SLC5A10: variants seen among roughly 807,000 people sequenced by gnomAD.
SLC5A10 encodes sodium/mannose cotransporter SLC5A10.
Under a neutral mutation model 68.9 loss-of-function variants are expected in SLC5A10, and 55 were observed. That is an observed-to-expected ratio of 0.80 (90% CI 0.64 to 1.00). The LOEUF is 1.00. SLC5A10 is among the 50% of genes least tolerant of loss of function. The pLI is 0.00. For synonymous variants in SLC5A10, 344 were observed against 344.8 expected, an observed-to-expected ratio of 1.00 and a Z score of 0.02; for missense variants, 732 against 819.3, an observed-to-expected ratio of 0.89 and a Z score of 1.30.
At chr17:18,978,427 C>G (rs373890767) in intron 9 of SLC5A10, 28 of 1,596,174 alleles carry the variant, frequency 1.8e-5, no homozygotes, top group Non-Finnish European at 2.2e-5. Context: ...GCTCCACCCA[C>G]GTGGGCAGGT....
At chr17:18,993,548 C>G (rs2043485478) in intron 9 of SLC5A10, among the ~76,000 whole-genome samples, 1 of 152,212 alleles carries the variant, frequency 6.6e-6, no homozygotes, top group African/African-American at 2.4e-5. Flanking sequence ...CATATTCTCT[C>G]TCCTCACTAT....
rs76413413 is a variant in SLC5A10, at chr17:18,978,370, G to A, written c.982+1381G>A. On this transcript the variant is annotated intron_variant, in intron 9 of 14. Transcript: ENST00000395645. The stretch of plus-strand genomic sequence containing the variant: ...GCTGGGGGTTCCAGATGTTGGGGTC[G>A]ATGATATTGATGTAGCCCAGGATGT... The A allele has an allele frequency of 2.0e-3, 3,196 of 1,593,464 alleles. 42 individuals are homozygous for A. The African/African-American group carries it at 0.034, about 17-fold the overall frequency.
chr17:18,990,348 G>A (rs1181922817), intron 9 of SLC5A10, among the ~76,000 whole-genome samples: 1 of 152,078 alleles, frequency 6.6e-6, no homozygotes, highest in Non-Finnish European at 1.5e-5. Context: ...GTGTGTGGTG[G>A]TAGCAGGGTC....
chr17:18,951,852 C>T (rs1436951008), upstream of SLC5A10: 2 of 275,468 alleles, frequency 7.3e-6, no homozygotes, highest in Non-Finnish European at 6.9e-6. Context: ...GGTGAAGCCA[C>T]CCATTAAGCA....
At chr17:18,951,929 C>A, upstream of SLC5A10, 3 of 438,244 alleles carry the variant, frequency 6.8e-6, no homozygotes, top group Non-Finnish European at 1.2e-5. Context: ...TTTCCCCAAG[C>A]CCCCTCCGAG....
At position 19,017,204 on chromosome 17, in the gene SLC5A10, C is replaced by A; in HGVS notation, c.1241+2005C>A. On this transcript the variant is annotated intron_variant, in intron 11 of 14. Transcript: ENST00000395645. The surrounding 1 kb of genome is among the most constrained non-coding windows in gnomAD (Gnocchi z 5.6). ...CACCCTCTCTGGGCCCCAGTTCTCT[C>A]AGCTGCCAGCTGGATAGAGCAGAAA... is the stretch of plus-strand genomic sequence containing the variant. 2 of 1,315,110 alleles carry A rather than the reference C, an allele frequency of 1.5e-6. No individual in the cohort carries two copies. The highest frequency in any genetic ancestry group is 2.1e-6 in the Non-Finnish European group (2 of 938,908). The allele number at this position is 1,315,110 out of a possible 1,614,324, so 81.5% of individuals were successfully genotyped here.
rs1425197416 is a variant in SLC5A10, at chr17:19,004,996, C to A, written c.983-8414C>A. Among the ~76,000 whole-genome samples, 2 of 152,184 alleles carry A rather than the reference C, an allele frequency of 1.3e-5. No homozygotes were observed. The highest frequency in any genetic ancestry group is 4.8e-5 in the African/African-American group (2 of 41,444). On this transcript the variant is annotated intron_variant, in intron 9 of 14. Transcript: ENST00000395645. This position sits in a 1 kb window ranked among gnomAD's most constrained non-coding sequence, Gnocchi z 5.4. ...CATCCCAGAGAGGGACAGTGTTCTC[C>A]CTGAGGTCACACAGCGGGTCAACAG... is the stretch of plus-strand genomic sequence containing the variant.
intron 9 of SLC5A10, among the ~76,000 whole-genome samples, chr17:19,010,861 T>C (rs1171232372): frequency 2.0e-5 from 3 of 152,126 alleles, no homozygotes; most frequent in Non-Finnish European, 2.9e-5. Context: ...GTTATGTCCT[T>C]TCTGGTCCTG....
rs746705113 is a variant in SLC5A10 at position 18,988,462 on chromosome 17, G to A, written c.982+11473G>A. The A allele has an allele frequency of 2.3e-5, 36 of 1,596,500 alleles. 1 individual carries two copies. The South Asian group carries it at 3.4e-4, about 15-fold the overall frequency. Reference sequence around the variant, plus strand: ...GGGCCTGTCAGACAGTGCAGCAGTGGGGACAGGGTGCCCTGGCAGAGCGCA... The same window carrying A: ...GGGCCTGTCAGACAGTGCAGCAGTGAGGACAGGGTGCCCTGGCAGAGCGCA... On this transcript the variant is annotated intron_variant, in intron 9 of 14. Coordinates refer to ENST00000395645, the MANE Select transcript of SLC5A10 (RefSeq NM_001042450.4).
In SLC5A10 at chr17:19,000,102, G is replaced by A. The variant is rs972361246; in HGVS notation, c.983-13308G>A. ...CTCCCAGGCGTGATCTTACAAGCCC[G>A]TCCTCTGGTATGTAGTTGGAACCCC... On this transcript the variant is annotated intron_variant, in intron 9 of 14. Transcript: ENST00000395645. The surrounding 1 kb of genome is among the most constrained non-coding windows in gnomAD (Gnocchi z 5.2). Among the ~76,000 whole-genome samples, 2 of 152,226 alleles carry A rather than the reference G, an allele frequency of 1.3e-5. No individual in the cohort carries two copies. Among genetic ancestry groups the A allele is most frequent in the South Asian group, 2.1e-4 (1 of 4,834 alleles).
intron 1 of SLC5A10, among the ~76,000 whole-genome samples, chr17:18,953,278 G>A (rs745454439): frequency 7.9e-5 from 12 of 151,850 alleles, no homozygotes; most frequent in Non-Finnish European, 1.6e-4. Flanking sequence ...GATTACAGGC[G>A]TCCACTACCA....
chr17:18,985,771 G>C (rs1465997635), intron 9 of SLC5A10, among the ~76,000 whole-genome samples: 1 of 152,202 alleles, frequency 6.6e-6, no homozygotes, highest in African/African-American at 2.4e-5. Context: ...ACCTTCCCTG[G>C]GGAAGCGAGG....
At chr17:18,984,125 G>A (rs866159818) in intron 9 of SLC5A10, among the ~76,000 whole-genome samples, 2 of 151,960 alleles carry the variant, frequency 1.3e-5, no homozygotes, top group African/African-American at 4.8e-5. Context: ...GGCGGATCAC[G>A]AGGTCAGCAG....
chr17:18,988,184 T>C, intron 9 of SLC5A10: 2 of 1,578,746 alleles, frequency 1.3e-6, no homozygotes, highest in Non-Finnish European at 1.7e-6. Context: ...ACTCGAAGTG[T>C]TTGTTGACAG....
At chr17:18,959,467 C>A in intron 3 of SLC5A10, 137 bp from the exon 4 acceptor site, 2 of 1,026,508 alleles carry the variant, frequency 1.9e-6, no homozygotes, top group South Asian at 1.4e-5. Context: ...AGGAGCCACC[C>A]AGGATCTCAT....
chr17:18,968,962 C>T lies in SLC5A10; in HGVS notation c.454-90C>T. On this transcript the variant is annotated intron_variant, in intron 5 of 14. Coordinates refer to ENST00000395645, the MANE Select transcript of SLC5A10 (RefSeq NM_001042450.4). This position sits in a 1 kb window ranked among gnomAD's most constrained non-coding sequence, Gnocchi z 4.1. ...CTCCTTATCCACAGGCCACCGAGGC[C>T]CAGAGAGGGCCTTGCCCGAGGTCAC... 7.6e-7 allele frequency: 1 copy of T among 1,310,132 alleles called. No individual in the cohort carries two copies. Among genetic ancestry groups the T allele is most frequent in the South Asian group, 1.4e-5 (1 of 70,680 alleles). 81.2% of individuals were successfully genotyped at this position (1,310,132 alleles called of 1,614,324 possible).
intron 9 of SLC5A10, among the ~76,000 whole-genome samples, chr17:18,982,783 T>C (rs1330096225): frequency 6.6e-6 from 1 of 152,212 alleles, no homozygotes; most frequent in Admixed American, 6.5e-5. Flanking sequence ...CAGGAGCCCC[T>C]GGAGTGGGTC....
At chr17:18,999,471 C>A (rs2043668402) in intron 9 of SLC5A10, among the ~76,000 whole-genome samples, 1 of 152,090 alleles carries the variant, frequency 6.6e-6, no homozygotes, top group South Asian at 2.1e-4. Context: ...AGTTCTGTGA[C>A]CTCAGGCCAG....
At chr17:18,964,596 G>A (rs1415551529) in intron 5 of SLC5A10, among the ~76,000 whole-genome samples, 1 of 152,234 alleles carries the variant, frequency 6.6e-6, no homozygotes, top group Non-Finnish European at 1.5e-5. Context: ...CGGTGAAGGG[G>A]GGACAGAAAT....
Sources: allele counts gnomAD v4.1 joint callset (sites outside exome capture counted in the v4.1 genomes callset), GRCh38; gene constraint gnomAD v4.1.1; non-coding constraint Gnocchi (gnomAD v3.1); transcripts MANE v1.5; gene names NCBI Gene and HGNC (gene_info 2026-07-23, HGNC 2026-07-21).